RTN1: variants seen among roughly 807,000 people sequenced by gnomAD.
RTN1 encodes reticulon 1.
In RTN1, 25 loss-of-function variants were observed where a neutral mutation model predicts 65.5. The observed-to-expected ratio is 0.38, with a 90% CI of 0.28 to 0.53. The LOEUF is 0.53. Among genes scored for constraint, RTN1 ranks in the 20% least tolerant of loss-of-function variants. The probability of loss-of-function intolerance (pLI) is 0.79; values close to 1 mark genes in which losing one functional copy is unlikely to be tolerated. For synonymous variants in RTN1, 471 were observed against 447.6 expected (o/e 1.05, Z -0.66); for missense variants, 983 against 1,025.4 (o/e 0.96, Z 0.57).
intron 1 of RTN1, among the ~76,000 whole-genome samples, chr14:59,781,457 A>T (rs543500031): frequency 2.0e-5 from 3 of 152,042 alleles, no homozygotes; most frequent in African/African-American, 7.2e-5. Flanking sequence ...AGTAAGTGGA[A>T]CATAAACTTA....
intron 3 of RTN1, among the ~76,000 whole-genome samples, chr14:59,612,472 A>G (rs1423994109): frequency 6.6e-6 from 1 of 152,150 alleles, no homozygotes; most frequent in African/African-American, 2.4e-5. Flanking sequence ...TCTCCTCCGC[A>G]AGGTTTGATT....
At chr14:59,828,148 T>G (rs1887066169) in intron 1 of RTN1, among the ~76,000 whole-genome samples, 1 of 152,250 alleles carries the variant, frequency 6.6e-6, no homozygotes, top group Non-Finnish European at 1.5e-5. Context: ...CTCCTGACAC[T>G]GACATTCCCT....
chr14:59,648,261 C>G (rs1478581930), intron 3 of RTN1, among the ~76,000 whole-genome samples: 5 of 152,118 alleles, frequency 3.3e-5, no homozygotes, highest in Admixed American at 3.3e-4. Flanking sequence ...GCTTCCCTGA[C>G]CAGACCAATA....
chr14:59,802,646 T>C (rs1034411519), intron 1 of RTN1, among the ~76,000 whole-genome samples: 15 of 152,226 alleles, frequency 9.9e-5, no homozygotes, highest in African/African-American at 3.6e-4. Context: ...TAAGATTTTC[T>C]TTAGTTACCA....
intron 1 of RTN1, among the ~76,000 whole-genome samples, chr14:59,858,754 A>G (rs1164002130): frequency 1.3e-5 from 2 of 152,238 alleles, no homozygotes; most frequent in Non-Finnish European, 2.9e-5. Context: ...ATATACAGAT[A>G]GTGAGGCAGA....
intron 3 of RTN1, among the ~76,000 whole-genome samples, chr14:59,637,837 A>G (rs1250687463): frequency 2.0e-5 from 3 of 151,900 alleles, no homozygotes; most frequent in Non-Finnish European, 2.9e-5. Context: ...AGCATTTAAT[A>G]TGGCAGCTAT....
At chr14:59,621,730 T>C (rs1054483824) in intron 3 of RTN1, among the ~76,000 whole-genome samples, 2 of 152,252 alleles carry the variant, frequency 1.3e-5, no homozygotes, top group African/African-American at 4.8e-5. Context: ...GAAAGTCCTT[T>C]GCTGTAGTCC....
rs966299262 is a variant in RTN1 at position 59,616,313 on chromosome 14, A to G, written c.1766-8821T>C. ...ACAGAGGTAACAAATTTTCTTGTCA[A>G]TTGTGTCTTTAACTGTGGCTGCCTT... On this transcript the variant is annotated intron_variant, in intron 3 of 8. Coordinates refer to ENST00000267484, the MANE Select transcript of RTN1 (RefSeq NM_021136.3). 7.2e-5 allele frequency among the ~76,000 whole-genome samples: 11 copies of G among 152,150 alleles called. No individual in the cohort carries two copies. In the East Asian group the frequency reaches 1.9e-3, roughly 27 times the overall value.
At chr14:59,710,810 G>A (rs1039728214) in intron 3 of RTN1, among the ~76,000 whole-genome samples, 2 of 152,166 alleles carry the variant, frequency 1.3e-5, no homozygotes, top group Non-Finnish European at 2.9e-5. Context: ...TGTAACCTGG[G>A]TATACTGCCA....
intron 1 of RTN1, among the ~76,000 whole-genome samples, chr14:59,807,425 C>G (rs115037671): frequency 1.3e-5 from 2 of 152,162 alleles, no homozygotes; most frequent in African/African-American, 4.8e-5. Flanking sequence ...TACAAAGAAT[C>G]CATAATGCCC....
At chr14:59,697,599 G>T (rs567761971) in intron 3 of RTN1, among the ~76,000 whole-genome samples, 38 of 152,176 alleles carry the variant, frequency 2.5e-4, no homozygotes, top group African/African-American at 7.7e-4. Context: ...GAAAAATAGG[G>T]TTAGCCTAAC....
chr14:59,692,692 T>C (rs1418773713), intron 3 of RTN1, among the ~76,000 whole-genome samples: 1 of 152,098 alleles, frequency 6.6e-6, no homozygotes, highest in Non-Finnish European at 1.5e-5. Context: ...CAAAACAGCA[T>C]GGTACTGGCA....
intron 3 of RTN1, among the ~76,000 whole-genome samples, chr14:59,626,275 T>C (rs1002088089): frequency 7.2e-5 from 11 of 152,232 alleles, no homozygotes; most frequent in Admixed American, 1.3e-4. Context: ...CCACGAACAC[T>C]GTAGACCAGC....
intron 1 of RTN1, among the ~76,000 whole-genome samples, chr14:59,770,378 CAAAAAAAAAAA>C (rs774086177): frequency 5.6e-5 from 3 of 53,752 alleles, no homozygotes; most frequent in South Asian, 7.3e-4. Context: ...AACTCTGCCT[CAAAAAAAAAAA>C]AAAAAAAAAA....
At position 59,665,507 on chromosome 14, in the gene RTN1, T is replaced by C. The variant is rs192683198; in HGVS notation, c.1766-58015A>G. Among the ~76,000 whole-genome samples the C allele has an allele frequency of 3.0e-3, 451 of 152,288 alleles. 1 individual carries two copies. The highest frequency in any genetic ancestry group is 0.011 in the African/African-American group (441 of 41,554). ...GAAACATCCCAAATTGTAAAGACCA[T>C]TGATGCTATGAAGAAACTGCATCAA... On this transcript the variant is annotated intron_variant, in intron 3 of 8. Transcript: ENST00000267484.
At chr14:59,771,563 A>T (rs909291361) in intron 1 of RTN1, among the ~76,000 whole-genome samples, 10 of 152,222 alleles carry the variant, frequency 6.6e-5, no homozygotes, top group African/African-American at 2.2e-4. Context: ...ACACATGGCA[A>T]TGTGTGAGGC....
intron 3 of RTN1, among the ~76,000 whole-genome samples, chr14:59,710,215 G>A (rs1480476184): frequency 6.6e-6 from 1 of 150,724 alleles, no homozygotes; most frequent in East Asian, 1.9e-4. Context: ...GCCAATTTTT[G>A]TATCTTTTTT....
At chr14:59,654,297 T>C (rs1328518373) in intron 3 of RTN1, among the ~76,000 whole-genome samples, 2 of 151,856 alleles carry the variant, frequency 1.3e-5, no homozygotes, top group Admixed American at 1.3e-4. Flanking sequence ...ACATGGTGGC[T>C]CGTGCCTGTA....
At chr14:59,710,394 C>A (rs1884393200) in intron 3 of RTN1, among the ~76,000 whole-genome samples, 2 of 152,178 alleles carry the variant, frequency 1.3e-5, no homozygotes, top group South Asian at 4.1e-4. Flanking sequence ...CTGCAGCATT[C>A]CAAGCTTGAC....
Sources: gnomAD v4.1 joint callset for allele counts (sites outside exome capture counted in the v4.1 genomes callset) on GRCh38, gnomAD v4.1.1 for gene constraint, MANE v1.5 for transcripts, NCBI Gene and HGNC (gene_info 2026-07-23, HGNC 2026-07-21) for gene names.